CECR2: variants seen among roughly 807,000 people sequenced by gnomAD.
The protein encoded by CECR2 is CECR2 histone acetyl-lysine reader.
CECR2 carries 30 observed loss-of-function variants against 154.5 expected under a neutral mutation model. The observed-to-expected ratio is 0.19, with a 90% CI of 0.15 to 0.26. The LOEUF (loss-of-function observed/expected upper bound fraction) is 0.26, where lower values mean the gene tolerates loss of function less well. CECR2 is among the 10% of genes least tolerant of loss of function. CECR2 has a pLI of 1.00. For missense variants in CECR2, 1,743 were observed against 1,829.3 expected (o/e 0.95, Z 0.86); for synonymous variants, 725 against 683.7 (o/e 1.06, Z -0.94).
chr22:17,378,136 AC>A (rs1422870487), intron 1 of CECR2, among the ~76,000 whole-genome samples: 2 of 151,202 alleles, frequency 1.3e-5, no homozygotes, highest in African/African-American at 4.9e-5. Flanking sequence ...GGTGCCCACC[AC>A]CACGCCCGGC....
chr22:17,438,072 G>T (rs2054532095), intron 1 of CECR2, among the ~76,000 whole-genome samples: 1 of 152,142 alleles, frequency 6.6e-6, no homozygotes, highest in Non-Finnish European at 1.5e-5. Flanking sequence ...TGAAAGAATT[G>T]TACATTATAT....
intron 1 of CECR2, among the ~76,000 whole-genome samples, chr22:17,427,081 A>G (rs1024229374): frequency 2.0e-5 from 3 of 151,770 alleles, no homozygotes; most frequent in Non-Finnish European, 2.9e-5. Flanking sequence ...TCATTGTTCA[A>G]TTCCAACCTA....
At chr22:17,549,858 G>T (rs539557289) in intron 17 of CECR2, among the ~76,000 whole-genome samples, 3 of 145,650 alleles carry the variant, frequency 2.1e-5, no homozygotes, top group Non-Finnish European at 4.5e-5. Flanking sequence ...TCTCCTGAGC[G>T]CAAGTCATCC....
chr22:17,504,827 T>C lies in CECR2; in HGVS notation c.701-20T>C. 6.2e-7 allele frequency: 1 copy of C among 1,607,538 alleles called. No individual in the cohort carries two copies. Among genetic ancestry groups the C allele is most frequent in the South Asian group, 1.1e-5 (1 of 90,966 alleles). ...TCCTCATGGGATCTCCTGTAGTGAATCCGTTCCTTTATTTTCTAGGGTCCC... is the reference window on the plus strand; with the variant it reads ...TCCTCATGGGATCTCCTGTAGTGAACCCGTTCCTTTATTTTCTAGGGTCCC... On this transcript the variant is annotated intron_variant, in intron 6 of 18. Transcript: ENST00000262608.
chr22:17,506,647 TTTTG>T (rs757481198), intron 7 of CECR2, among the ~76,000 whole-genome samples: 190 of 152,216 alleles, frequency 1.2e-3, no homozygotes, highest in Non-Finnish European at 1.4e-3. Context: ...TTTCATGTTT[TTTTG>T]TTTGTTTGTT....
chr22:17,534,210 C>T (rs2056402520), intron 9 of CECR2, among the ~76,000 whole-genome samples: 1 of 152,010 alleles, frequency 6.6e-6, no homozygotes, highest in African/African-American at 2.4e-5. Flanking sequence ...CCTGTAGTCC[C>T]AGCCACTCAG....
intron 1 of CECR2, among the ~76,000 whole-genome samples, chr22:17,471,007 C>T (rs942475880): frequency 1.3e-5 from 2 of 152,160 alleles, no homozygotes; most frequent in African/African-American, 4.8e-5. Flanking sequence ...AGCTGTATTC[C>T]AAAGCAGCTC....
At chr22:17,371,835 A>G (rs1158842035) in intron 1 of CECR2, among the ~76,000 whole-genome samples, 1 of 152,264 alleles carries the variant, frequency 6.6e-6, no homozygotes, top group South Asian at 2.1e-4. Context: ...ATGAAAAGCT[A>G]GAGGTAACTC....
intron 1 of CECR2, among the ~76,000 whole-genome samples, chr22:17,387,613 T>G (rs1193491004): frequency 6.6e-6 from 1 of 152,204 alleles, no homozygotes; most frequent in African/African-American, 2.4e-5. Context: ...TTCCTCACTT[T>G]TGTCTGTGTG....
intron 9 of CECR2, among the ~76,000 whole-genome samples, chr22:17,528,412 C>T (rs1207854453): frequency 6.6e-6 from 1 of 151,710 alleles, no homozygotes; most frequent in African/African-American, 2.4e-5. Context: ...AGGCTGGGAA[C>T]GATAGTGGAG....
At chr22:17,392,962 C>T (rs923374343) in intron 1 of CECR2, among the ~76,000 whole-genome samples, 30 of 152,036 alleles carry the variant, frequency 2.0e-4, no homozygotes, top group African/African-American at 5.1e-4. Flanking sequence ...ATGGCTTGAG[C>T]CCAGAAGGTG....
chr22:17,484,648 C>A (rs1336366127), intron 2 of CECR2, among the ~76,000 whole-genome samples: 1 of 152,062 alleles, frequency 6.6e-6, no homozygotes, highest in East Asian at 1.9e-4. Context: ...AGCCTGTAAT[C>A]CCAGCACTTT....
intron 2 of CECR2, among the ~76,000 whole-genome samples, chr22:17,496,369 G>A (rs1433079521): frequency 1.3e-5 from 2 of 151,848 alleles, no homozygotes; most frequent in Admixed American, 6.6e-5. Context: ...GCATGGTGGT[G>A]GGCGCCTCTA....
At chr22:17,394,605 GTCC>G (rs1269650287) in intron 1 of CECR2, among the ~76,000 whole-genome samples, 2 of 152,110 alleles carry the variant, frequency 1.3e-5, no homozygotes, top group African/African-American at 2.4e-5. Flanking sequence ...GGAAGTGTGA[GTCC>G]TCCTCCTTTT....
intron 1 of CECR2, among the ~76,000 whole-genome samples, chr22:17,465,256 A>G (rs1259245708): frequency 6.6e-6 from 1 of 152,080 alleles, no homozygotes; most frequent in Non-Finnish European, 1.5e-5. Flanking sequence ...TCGGCCTCCC[A>G]AAGTGCCGGG....
chr22:17,398,233 G>A (rs1453378679), intron 1 of CECR2, among the ~76,000 whole-genome samples: 9 of 151,734 alleles, frequency 5.9e-5, no homozygotes, highest in African/African-American at 2.2e-4. Flanking sequence ...TATAAAATAC[G>A]TGTTATAAAG....
chr22:17,442,683 G>T (rs1489556475), intron 1 of CECR2, among the ~76,000 whole-genome samples: 3 of 152,076 alleles, frequency 2.0e-5, no homozygotes, highest in African/African-American at 7.2e-5. Context: ...GAGTAGCTGG[G>T]ATTACAGGCG....
At chr22:17,388,004 G>A (rs1467473947) in intron 1 of CECR2, among the ~76,000 whole-genome samples, 2 of 152,014 alleles carry the variant, frequency 1.3e-5, no homozygotes, top group African/African-American at 4.8e-5. Flanking sequence ...GCCCAGGCTG[G>A]AGTGCAGTGG....
At position 17,511,734 on chromosome 22, in the gene CECR2, G is replaced by GGCA. The variant is rs112072502; in HGVS notation, c.871-63_871-61dup. The GGCA allele has an allele frequency of 2.3e-4, 295 of 1,257,404 alleles. 1 individual carries two copies. The African/African-American group carries it at 2.7e-3, about 12-fold the overall frequency. The allele number at this position is 1,257,404 out of a possible 1,614,324, so 77.9% of individuals were successfully genotyped here. A position where few individuals can be genotyped will look rare whatever the true frequency, so the allele number is the denominator to read the frequency against. On this transcript the variant is annotated intron_variant, in intron 7 of 18. Coordinates refer to ENST00000262608, the MANE Select transcript of CECR2 (RefSeq NM_001290047.2). ...CCTCATTGGCCACTTTTTTACTGGC[G>GGCA]GCAGCAGCAGCAGCAGCATCAGTAG...
Sources: allele counts gnomAD v4.1 joint callset (sites outside exome capture counted in the v4.1 genomes callset), GRCh38; gene constraint gnomAD v4.1.1; transcripts MANE v1.5; gene names NCBI Gene and HGNC (gene_info 2026-07-23, HGNC 2026-07-21).